The following NAALADL2 variants were observed in gnomAD, a reference collection of about 807,000 sequenced individuals.
The protein encoded by NAALADL2 is inactive N-acetylated-alpha-linked acidic dipeptidase-like protein 2.
A neutral mutation model predicts 87.2 loss-of-function variants in NAALADL2; 76 were observed. The observed-to-expected ratio is 0.87, with a 90% CI of 0.72 to 1.05. The LOEUF is 1.05. Among genes scored for constraint, NAALADL2 ranks in the 50% least tolerant of loss-of-function variants. NAALADL2 has a pLI of 0.00. For missense variants in NAALADL2, 1,089 were observed against 945.8 expected (o/e 1.15, Z -1.99); for synonymous variants, 354 against 331.0 (o/e 1.07, Z -0.75).
intron 1 of NAALADL2, among the ~76,000 whole-genome samples, chr3:174,930,869 A>G (rs571344985): frequency 1.8e-4 from 28 of 151,540 alleles, no homozygotes; most frequent in East Asian, 1.6e-3. Context: ...TGATCCGCCC[A>G]CCTCGGCCTC....
rs780138870 is a variant in NAALADL2 at position 174,447,789 on chromosome 3, G to A, written c.-184+6757G>A. Among the ~76,000 whole-genome samples, 21 of 151,946 alleles carry A rather than the reference G, an allele frequency of 1.4e-4. 1 individual carries two copies. The highest frequency in any genetic ancestry group is 1.1e-3 in the Admixed American group (17 of 15,256). ...GAGATCACACCACTGCACTCCAGCC[G>A]GGGCAACAGAGCGAGACTCTGTCTC... is the stretch of plus-strand genomic sequence containing the variant. On this transcript the variant is annotated intron_variant, in intron 1 of 3. Transcript: ENST00000434257.
intron 2 of NAALADL2, chr3:174,551,346 A>G (rs1395710890): frequency 6.6e-6 from 1 of 152,330 alleles, no homozygotes; most frequent in African/African-American, 2.4e-5. Flanking sequence ...TGGTTAGTGT[A>G]TGGCTAATAT....
At chr3:175,150,991 C>T (rs975781864) in intron 2 of NAALADL2, among the ~76,000 whole-genome samples, 3 of 152,046 alleles carry the variant, frequency 2.0e-5, no homozygotes, top group African/African-American at 4.8e-5. Context: ...GGGGTTGTAG[C>T]TGAAGGAGAG....
intron 10 of NAALADL2, among the ~76,000 whole-genome samples, chr3:175,614,395 T>G (rs1725063768): frequency 6.6e-6 from 1 of 152,228 alleles, no homozygotes; most frequent in Admixed American, 6.5e-5. Flanking sequence ...TTAGTATTTA[T>G]TTTTGAATGA....
intron 3 of NAALADL2, among the ~76,000 whole-genome samples, chr3:174,818,959 TTTTG>T (rs1417355957): frequency 2.6e-5 from 4 of 152,076 alleles, no homozygotes; most frequent in South Asian, 2.1e-4. Flanking sequence ...TCTTTTCTAT[TTTTG>T]TTTGTTTCTT....
chr3:174,829,331 G>C (rs892408779), intron 3 of NAALADL2, among the ~76,000 whole-genome samples: 10 of 146,688 alleles, frequency 6.8e-5, no homozygotes, highest in African/African-American at 2.5e-4. Context: ...TGATCTCATT[G>C]TTCAATTCCC....
intron 9 of NAALADL2, among the ~76,000 whole-genome samples, chr3:175,512,502 A>T (rs932365681): frequency 6.6e-5 from 10 of 152,182 alleles, no homozygotes; most frequent in African/African-American, 2.2e-4. Flanking sequence ...GGAAAAGCCA[A>T]TTCTTAAAAA....
intron 9 of NAALADL2, among the ~76,000 whole-genome samples, chr3:175,550,634 T>C (rs57479568): frequency 0.024 from 3,711 of 152,272 alleles, 161 homozygotes; most frequent in African/African-American, 0.085. Flanking sequence ...GGTCTTAATA[T>C]TGTCCTTAAT....
chr3:175,559,991 A>G (rs1370688231), intron 9 of NAALADL2, among the ~76,000 whole-genome samples: 2 of 152,170 alleles, frequency 1.3e-5, no homozygotes, highest in Admixed American at 6.5e-5. Flanking sequence ...TTCATTTTTC[A>G]GAAAAGTTTG....
intron 5 of NAALADL2, among the ~76,000 whole-genome samples, chr3:175,406,769 A>G (rs1341538615): frequency 6.6e-6 from 1 of 150,748 alleles, no homozygotes; most frequent in African/African-American, 2.4e-5. Context: ...TTTTGAGACT[A>G]TTTTCCACTT....
At chr3:175,042,674 C>A (rs1487395141) in intron 1 of NAALADL2, among the ~76,000 whole-genome samples, 1 of 152,226 alleles carries the variant, frequency 6.6e-6, no homozygotes, top group African/African-American at 2.4e-5. Flanking sequence ...ATATGCATTT[C>A]TCTGATGATT....
intron 9 of NAALADL2, among the ~76,000 whole-genome samples, chr3:175,494,130 G>A (rs1018220788): frequency 1.7e-4 from 26 of 152,008 alleles, no homozygotes; most frequent in African/African-American, 5.5e-4. Flanking sequence ...TTATCTCAAT[G>A]TATATTTATT....
chr3:174,837,344 G>A (rs753416691), intron 3 of NAALADL2, among the ~76,000 whole-genome samples: 18 of 152,138 alleles, frequency 1.2e-4, no homozygotes, highest in South Asian at 6.2e-4. Context: ...ACAAAAGATC[G>A]TTCAAGGCTA....
At chr3:175,088,754 A>C (rs1363911527) in intron 1 of NAALADL2, among the ~76,000 whole-genome samples, 1 of 152,242 alleles carries the variant, frequency 6.6e-6, no homozygotes, top group Non-Finnish European at 1.5e-5. Flanking sequence ...CCTGGCTGAA[A>C]AGATGAAAAA....
chr3:175,520,079 G>A (rs1732411653), intron 9 of NAALADL2, among the ~76,000 whole-genome samples: 2 of 152,174 alleles, frequency 1.3e-5, no homozygotes. Flanking sequence ...ACATGTCTTA[G>A]TAACAGCACA....
chr3:174,820,839 A>T (rs73881521), intron 3 of NAALADL2, among the ~76,000 whole-genome samples: 46,711 of 151,046 alleles, frequency 0.31, 8,883 homozygotes, highest in African/African-American at 0.53. Flanking sequence ...ATGTTTTTTT[A>T]AAAAAAAACA....
chr3:175,074,049 G>C (rs1716144282), intron 1 of NAALADL2, among the ~76,000 whole-genome samples: 1 of 151,906 alleles, frequency 6.6e-6, no homozygotes, highest in African/African-American at 2.4e-5. Flanking sequence ...GTTCCATAAG[G>C]GTGGGGATTT....
intron 3 of NAALADL2, among the ~76,000 whole-genome samples, chr3:174,808,178 A>G (rs915528002): frequency 1.3e-5 from 2 of 152,152 alleles, no homozygotes; most frequent in African/African-American, 4.8e-5. Context: ...ATCATTTGCC[A>G]TGAACAAATT....
At chr3:175,150,441 T>C (rs1400922600) in intron 2 of NAALADL2, among the ~76,000 whole-genome samples, 1 of 152,180 alleles carries the variant, frequency 6.6e-6, no homozygotes, top group Non-Finnish European at 1.5e-5. Context: ...AGATTATTAT[T>C]AAAAAAGATA....
Sources: allele counts gnomAD v4.1 joint callset (sites outside exome capture counted in the v4.1 genomes callset), GRCh38; gene constraint gnomAD v4.1.1; transcripts MANE v1.5; gene names NCBI Gene and HGNC (gene_info 2026-07-23, HGNC 2026-07-21).